The following AFP variants were observed in gnomAD, a reference collection of about 807,000 sequenced individuals.
AFP encodes the protein alpha fetoprotein.
In AFP, 64 loss-of-function variants were observed where a neutral mutation model predicts 78.9. The ratio of observed to expected loss-of-function variants is 0.81; its 90% confidence interval spans 0.66 to 1.00. The LOEUF (loss-of-function observed/expected upper bound fraction) is 1.00, where lower values mean the gene tolerates loss of function less well. Among genes scored for constraint, AFP ranks in the 50% least tolerant of loss-of-function variants. The pLI is 0.00. For synonymous variants in AFP, 254 were observed against 243.8 expected (o/e 1.04, Z -0.39); for missense variants, 689 against 703.8 (o/e 0.98, Z 0.24).
intron 12 of AFP, among the ~76,000 whole-genome samples, chr4:73,452,898 A>G (rs753193363): frequency 1.3e-5 from 2 of 152,218 alleles, no homozygotes; most frequent in Non-Finnish European, 2.9e-5. Context: ...GGTTGAGGAA[A>G]AGTGGGCAAT....
At chr4:73,447,373 C>T (rs1464210230) in intron 7 of AFP, 89 bp from the exon 8 acceptor site, 9 of 937,908 alleles carry the variant, frequency 9.6e-6, no homozygotes, top group Non-Finnish European at 1.4e-5. Flanking sequence ...CTCCCTCCCT[C>T]CCCTTTCTTC....
chr4:73,442,183 A>T, intron 4 of AFP, 113 bp from the exon 5 acceptor site: 1 of 1,094,152 alleles, frequency 9.1e-7, no homozygotes, highest in Non-Finnish European at 1.3e-6. Flanking sequence ...AGTCAAATGC[A>T]TTTTGTTGTT....
rs369625484 is a variant in AFP, at chr4:73,452,603, C to T, written c.1631C>T (p.Ala544Val). 117 of 1,612,788 alleles carry T rather than the reference C, an allele frequency of 7.3e-5. No individual in the cohort carries two copies. The highest frequency in any genetic ancestry group is 4.7e-4 in the Admixed American group (28 of 59,972). ...GATCTGTGCCAAGCTCAGGGTGTAG[C>T]GCTGCAAACAATGAAGCAAGAGTAA... ...HKDLCQAQGV[A>V]LQTMKQEFLI... The change falls in exon 12 of 15, where the codon GCG becomes GTG. Residue 544 changes from alanine to valine, a missense_variant. Coordinates refer to ENST00000395792, the MANE Select transcript of AFP (RefSeq NM_001134.3).
chr4:73,438,514 T>C (rs1435301919), intron 3 of AFP, among the ~76,000 whole-genome samples: 4 of 152,144 alleles, frequency 2.6e-5, no homozygotes, highest in Non-Finnish European at 2.9e-5. Context: ...ATATGATGAC[T>C]GAGAGCTAAG....
intron 13 of AFP, among the ~76,000 whole-genome samples, chr4:73,454,166 T>C (rs1720094786): frequency 6.6e-6 from 1 of 151,920 alleles, no homozygotes; most frequent in Non-Finnish European, 1.5e-5. Flanking sequence ...AGTGAATGTG[T>C]AAATAATTGA....
rs1343759470 is a variant in AFP, at chr4:73,443,420, T to C, written c.689T>C (p.Phe230Ser). The change falls in exon 6 of 15, where the codon TTT (phenylalanine) becomes TCT (serine). Residue 230 changes from phenylalanine to serine, a missense_variant. By Grantham distance (155) the Phe-to-Ser change is radical. Transcript: ENST00000395792. ...CATGCATGTGCAGTAATGAAAAATT[T>C]TGGGACCCGAACTTTCCAAGCCATG... ...NQHACAVMKN[F>S]GTRTFQAITV... 5.0e-6 allele frequency: 8 copies of C among 1,612,882 alleles called. No individual in the cohort carries two copies. The highest frequency in any genetic ancestry group is 1.1e-5 in the South Asian group (1 of 91,032).
chr4:73,440,832 G>T lies in AFP; in HGVS notation c.482+19G>T, dbSNP rs763536634. ...TGAACAAGTAAGGATCCAGTTTAAA[G>T]GTAGATGCAAACCTCAGAAACACAG... On this transcript the variant is annotated intron_variant, in intron 4 of 14. Coordinates refer to ENST00000395792, the MANE Select transcript of AFP (RefSeq NM_001134.3). 3 of 1,606,476 alleles carry T rather than the reference G, an allele frequency of 1.9e-6. No individual in the cohort carries two copies. The highest frequency in any genetic ancestry group is 2.6e-6 in the Non-Finnish European group (3 of 1,174,770).
intron 6 of AFP, among the ~76,000 whole-genome samples, chr4:73,444,622 T>C (rs1719765853): frequency 6.6e-6 from 1 of 152,218 alleles, no homozygotes; most frequent in Admixed American, 6.5e-5. Context: ...CAGTAAAAAA[T>C]GGTTCTCATT....
chr4:73,440,472 T>A lies in AFP; in HGVS notation c.271-130T>A. 1.3e-5 allele frequency: 10 copies of A among 757,648 alleles called. No homozygotes were observed. The South Asian group carries it at 1.7e-4, about 13-fold the overall frequency. The allele number at this position is 757,648 out of a possible 1,614,324, so 46.9% of individuals were successfully genotyped here. On this transcript the variant is annotated intron_variant, in intron 3 of 14. Transcript: ENST00000395792. ...TTCATCAGGCTGAAACAAAATACAT[T>A]AGAATTTGTATGGAAAATTTTTCAG...
intron 4 of AFP, 25 bp downstream of exon 4, chr4:73,440,838 T>C (rs1719640181): frequency 2.5e-6 from 4 of 1,601,076 alleles, no homozygotes; most frequent in Non-Finnish European, 3.4e-6. Context: ...TAAAGGTAGA[T>C]GCAAACCTCA....
rs1219384092 is a variant in AFP at position 73,447,566 on chromosome 4, T to C, written c.948T>C (p.His316=). 3 of 1,612,760 alleles carry C rather than the reference T, an allele frequency of 1.9e-6. No individual in the cohort carries two copies. The highest frequency in any genetic ancestry group is 2.2e-5 in the East Asian group (1 of 44,870). The change falls in exon 8 of 15, where the codon CAT becomes CAC. Residue 316 remains histidine, a synonymous_variant. Transcript: ENST00000395792. The part of the protein sequence containing the change: ...TTLERGQCII[H]AENDEKPEGL... ...TGGAACGTGGTCAATGTATAATTCA[T>C]GCAGAAAATGATGAAAAACCTGAAG...
rs558782569 is a variant in AFP, at chr4:73,447,739, C to T, written c.1058+63C>T. ...AATGATTATGTGGCTGACAGATTTG[C>T]GTTGTTGAAATGGAGAGTGATGATT... On this transcript the variant is annotated intron_variant, in intron 8 of 14. Coordinates refer to ENST00000395792, the MANE Select transcript of AFP (RefSeq NM_001134.3). 4.8e-5 allele frequency: 67 copies of T among 1,382,972 alleles called. 2 individuals carry two copies. The South Asian group carries it at 6.7e-4, about 14-fold the overall frequency. The allele number at this position is 1,382,972 out of a possible 1,614,324, so 85.7% of individuals were successfully genotyped here.
At chr4:73,451,309 C>A (rs1719985108) in intron 11 of AFP, among the ~76,000 whole-genome samples, 1 of 152,124 alleles carries the variant, frequency 6.6e-6, no homozygotes, top group South Asian at 2.1e-4. Flanking sequence ...TCAGTAATGC[C>A]AATATTCTTT....
chr4:73,446,311 C>T (rs950562446), intron 7 of AFP, among the ~76,000 whole-genome samples: 1 of 152,106 alleles, frequency 6.6e-6, no homozygotes, highest in African/African-American at 2.4e-5. Context: ...TACTGTTTCT[C>T]GTTGTCATTT....
intron 9 of AFP, 96 bp downstream of exon 9, chr4:73,449,563 GTTGTT>G: frequency 7.1e-7 from 1 of 1,408,572 alleles, no homozygotes; most frequent in Non-Finnish European, 1.0e-6. Flanking sequence ...TTTTCAACTA[GTTGTT>G]AGCCAGTTAT....
chr4:73,451,132 C>T (rs1719980122), intron 11 of AFP, among the ~76,000 whole-genome samples: 1 of 152,220 alleles, frequency 6.6e-6, no homozygotes, highest in Admixed American at 6.5e-5. Flanking sequence ...AAAGCTTTAT[C>T]TTTGATTGAT....
intron 10 of AFP, 85 bp downstream of exon 10, chr4:73,450,218 C>A: frequency 8.9e-7 from 1 of 1,125,154 alleles, no homozygotes; most frequent in Non-Finnish European, 1.3e-6. Context: ...TTGGAAGCAA[C>A]AAGAATGACC....
chr4:73,450,202 C>T, intron 10 of AFP, 69 bp downstream of exon 10: 1 of 1,261,750 alleles, frequency 7.9e-7, no homozygotes, highest in Non-Finnish European at 1.1e-6. Flanking sequence ...TCCCCATTCT[C>T]CTCCTTTGGA....
intron 6 of AFP, among the ~76,000 whole-genome samples, chr4:73,444,762 A>T (rs1204698153): frequency 6.6e-6 from 1 of 152,344 alleles, no homozygotes; most frequent in Admixed American, 6.5e-5. Context: ...TTTTAGGAAA[A>T]GATAAATTAT....
Sources: allele counts gnomAD v4.1 joint callset (sites outside exome capture counted in the v4.1 genomes callset), GRCh38; gene constraint gnomAD v4.1.1; transcripts MANE v1.5; gene names NCBI Gene and HGNC (gene_info 2026-07-23, HGNC 2026-07-21).